CEP83: variants seen among roughly 807,000 people sequenced by gnomAD.
CEP83 encodes centrosomal protein 83.
In CEP83, 70 loss-of-function variants were observed where a neutral mutation model predicts 101.9. The observed-to-expected ratio is 0.69, with a 90% CI of 0.57 to 0.84. The LOEUF (loss-of-function observed/expected upper bound fraction) is 0.84. CEP83 is among the 40% of genes least tolerant of loss of function. The pLI is 0.00. For missense variants in CEP83, 715 were observed against 787.2 expected (o/e 0.91, Z 1.10); for synonymous variants, 264 against 267.9 (o/e 0.99, Z 0.14).
At chr12:94,362,468 G>A (rs2366436) in intron 11 of CEP83, among the ~76,000 whole-genome samples, 84,422 of 151,878 alleles carry the variant, frequency 0.56, 23,453 homozygotes, top group Admixed American at 0.58. Context: ...AAAAATAACA[G>A]TCAATCAATT....
intron 2 of CEP83, among the ~76,000 whole-genome samples, chr12:94,418,526 A>C (rs1566147636): frequency 6.6e-6 from 1 of 152,220 alleles, no homozygotes; most frequent in Non-Finnish European, 1.5e-5. Flanking sequence ...ATAAATAAGC[A>C]GCTCAGGGAC....
chr12:94,378,851 ATTTTCCACCTG>A lies in CEP83; in HGVS notation c.730_740del (p.Gln244CysfsTer11). On this transcript the variant is annotated frameshift_variant, in exon 7 of 17. Coordinates refer to ENST00000397809, the MANE Select transcript of CEP83 (RefSeq NM_016122.3). LOFTEE classifies it high-confidence loss of function. ...ACTGCCGCACCTGTATTCTTTGGGCATTTTCCACCTGAGCCTCAGAATTCTCCTTTTCAGCC... is the reference window on the plus strand; with the variant it reads ...ACTGCCGCACCTGTATTCTTTGGGCAAGCCTCAGAATTCTCCTTTTCAGCC... 6.2e-7 allele frequency: 1 copy of A among 1,614,030 alleles called. No individual in the cohort carries two copies. The highest frequency in any genetic ancestry group is 1.7e-5 in the Admixed American group (1 of 59,990).
At chr12:94,376,940 C>A (rs761694576) in intron 7 of CEP83, among the ~76,000 whole-genome samples, 2 of 151,860 alleles carry the variant, frequency 1.3e-5, no homozygotes, top group African/African-American at 4.8e-5. Context: ...GGGTTTCACC[C>A]GTGTTGTTCA....
intron 1 of CEP83, 150 bp from the exon 2 acceptor site, chr12:94,435,477 A>G (rs1377385482): frequency 1.3e-5 from 2 of 152,306 alleles, no homozygotes; most frequent in Non-Finnish European, 2.9e-5. Flanking sequence ...ACCCTTTGAA[A>G]AAAGCAGTTT....
chr12:94,344,247 T>A (rs1325190268), intron 11 of CEP83, among the ~76,000 whole-genome samples: 1 of 152,232 alleles, frequency 6.6e-6, no homozygotes, highest in Non-Finnish European at 1.5e-5. Flanking sequence ...TTAAAATTAG[T>A]GAATTTCTTT....
chr12:94,455,949 G>A (rs2138658659), intron 1 of CEP83, among the ~76,000 whole-genome samples: 1 of 152,012 alleles, frequency 6.6e-6, no homozygotes, highest in African/African-American at 2.4e-5. Flanking sequence ...TTGGGAGGCT[G>A]AGGCAGGAGA....
chr12:94,355,485 C>T lies in CEP83; in HGVS notation c.1343+12309G>A, dbSNP rs149039924. Among the ~76,000 whole-genome samples, 1,105 of 151,808 alleles carry T rather than the reference C, an allele frequency of 7.3e-3. 4 individuals are homozygous for T. Among genetic ancestry groups the T allele is most frequent in the Non-Finnish European group, 0.012 (795 of 67,922 alleles). On this transcript the variant is annotated intron_variant, in intron 11 of 16. Transcript: ENST00000397809. ...CAGCCTGGGCAACAGAGCGAGACTCCGTCTCAAAAAAAAAGAAAAGAAAAA... is the reference window on the plus strand; with the variant it reads ...CAGCCTGGGCAACAGAGCGAGACTCTGTCTCAAAAAAAAAGAAAAGAAAAA...
downstream of CEP83, chr12:94,304,036 A>T: frequency 6.4e-7 from 1 of 1,555,268 alleles, no homozygotes; most frequent in Non-Finnish European, 8.9e-7. Context: ...AATACATCGT[A>T]AAATATTTTG....
At chr12:94,281,207 A>G in the CEP83 span, among the ~76,000 whole-genome samples, 1 of 152,150 alleles carries the variant, frequency 6.6e-6, no homozygotes, top group Non-Finnish European at 1.5e-5. Context: ...TGAACCCGGG[A>G]GGCAGAGGTT....
At chr12:94,333,369 G>A (rs2059318294) in intron 13 of CEP83, 113 bp downstream of exon 13, 3 of 850,888 alleles carry the variant, frequency 3.5e-6, no homozygotes. Flanking sequence ...CACTATTAAA[G>A]TGTATTTGTA....
chr12:94,406,414 C>T (rs2063536534), intron 4 of CEP83, among the ~76,000 whole-genome samples: 1 of 151,698 alleles, frequency 6.6e-6, no homozygotes, highest in Admixed American at 6.6e-5. Flanking sequence ...CAGTATCTAA[C>T]ATCCAATAAA....
intron 4 of CEP83, among the ~76,000 whole-genome samples, chr12:94,410,398 C>T (rs973022186): frequency 6.6e-6 from 1 of 152,154 alleles, no homozygotes; most frequent in African/African-American, 2.4e-5. Flanking sequence ...GACATAGTTA[C>T]TTGTTGAAGT....
the CEP83 span, among the ~76,000 whole-genome samples, chr12:94,277,574 T>C: frequency 6.6e-6 from 1 of 152,086 alleles, no homozygotes; most frequent in African/African-American, 2.4e-5. Flanking sequence ...AGGGATGGGT[T>C]CAGAGGTCAC....
intron 14 of CEP83, among the ~76,000 whole-genome samples, chr12:94,319,693 C>T (rs1450427040): frequency 2.6e-5 from 4 of 152,046 alleles, no homozygotes; most frequent in Non-Finnish European, 5.9e-5. Flanking sequence ...TATTTTTAGT[C>T]TTGATTTCAA....
chr12:94,281,512 T>A, the CEP83 span, among the ~76,000 whole-genome samples: 2 of 152,150 alleles, frequency 1.3e-5, no homozygotes, highest in African/African-American at 4.8e-5. Flanking sequence ...GGACTACAGA[T>A]TGTATTACTA....
chr12:94,458,719 C>G (rs1052099127), intron 1 of CEP83, among the ~76,000 whole-genome samples: 1 of 152,182 alleles, frequency 6.6e-6, no homozygotes, highest in African/African-American at 2.4e-5. Context: ...GCCTGGGCGA[C>G]AGAGTGAGAC....
Position 94,444,967 on chromosome 12 carries a change from T to C in CEP83, c.-154-9640A>G, listed in dbSNP as rs144222136. Among the ~76,000 whole-genome samples the C allele has an allele frequency of 9.1e-4, 138 of 151,986 alleles. 1 individual carries two copies. Among genetic ancestry groups the C allele is most frequent in the East Asian group, 4.6e-3 (24 of 5,168 alleles). On this transcript the variant is annotated intron_variant, in intron 1 of 16. Coordinates refer to ENST00000397809, the MANE Select transcript of CEP83 (RefSeq NM_016122.3). Reference sequence around the variant, plus strand: ...TGTCATTCAAAATACCAAGTTTTCATAGAAATTAACAAGCTGATTCTAAAA... The same window carrying C: ...TGTCATTCAAAATACCAAGTTTTCACAGAAATTAACAAGCTGATTCTAAAA...
intron 2 of CEP83, among the ~76,000 whole-genome samples, chr12:94,419,409 C>G (rs995964719): frequency 3.9e-5 from 6 of 152,156 alleles, no homozygotes; most frequent in Non-Finnish European, 5.9e-5. Flanking sequence ...AGAAAACATT[C>G]TAAAGAGACA....
At chr12:94,287,911 G>GGT in the CEP83 span, among the ~76,000 whole-genome samples, 2 of 152,224 alleles carry the variant, frequency 1.3e-5, no homozygotes. Context: ...CGCTCCATGA[G>GGT]GTGAATACTA....
Sources: allele counts gnomAD v4.1 joint callset (sites outside exome capture counted in the v4.1 genomes callset), GRCh38; gene constraint gnomAD v4.1.1; transcripts MANE v1.5; gene names NCBI Gene and HGNC (gene_info 2026-07-23, HGNC 2026-07-21).